ACTN1: variants seen among roughly 807,000 people sequenced by gnomAD.
ACTN1 encodes alpha-actinin-1.
A neutral mutation model predicts 119.6 loss-of-function variants in ACTN1; 30 were observed. That is an observed-to-expected ratio of 0.25 (90% confidence interval 0.19 to 0.34). ACTN1 has a LOEUF of 0.34. Among genes scored for constraint, ACTN1 ranks in the 10% least tolerant of loss-of-function variants. ACTN1 has a pLI of 1.00. For synonymous variants in ACTN1, 429 were observed against 472.6 expected, an observed-to-expected ratio of 0.91 and a Z score of 1.20; for missense variants, 764 against 1,223.4, an observed-to-expected ratio of 0.62 and a Z score of 5.60.
chr14:68,888,058 A>G, intron 11 of ACTN1: 6 of 721,102 alleles, frequency 8.3e-6, no homozygotes, highest in South Asian at 6.9e-5. Context: ...CGGCTCCTTC[A>G]GCAGAGCTGA....
intron 1 of ACTN1, among the ~76,000 whole-genome samples, chr14:68,969,526 A>G (rs1180461712): frequency 6.6e-6 from 1 of 152,234 alleles, no homozygotes; most frequent in Non-Finnish European, 1.5e-5. Context: ...GGAGTTTAAA[A>G]GGGAGCCACT....
chr14:68,933,158 G>A (rs1251090552), intron 1 of ACTN1, among the ~76,000 whole-genome samples: 1 of 150,682 alleles, frequency 6.6e-6, no homozygotes, highest in South Asian at 2.1e-4. Flanking sequence ...TATTTGCGAT[G>A]TATCTCGCTC....
chr14:68,894,881 T>C (rs1159395235), intron 8 of ACTN1, among the ~76,000 whole-genome samples: 6 of 152,154 alleles, frequency 3.9e-5, no homozygotes, highest in Non-Finnish European at 7.4e-5. Flanking sequence ...AGGCTGGTTG[T>C]AAGGAAGAGC....
intron 1 of ACTN1, chr14:68,936,518 T>A: frequency 7.2e-6 from 2 of 276,928 alleles, no homozygotes; most frequent in Non-Finnish European, 1.4e-5. Context: ...TTTTTTTAAG[T>A]ATGCAAATAA....
At chr14:68,957,680 G>A (rs554687904) in intron 1 of ACTN1, among the ~76,000 whole-genome samples, 1 of 152,236 alleles carries the variant, frequency 6.6e-6, no homozygotes, top group South Asian at 2.1e-4. Context: ...AAGCAACTCT[G>A]TGGGTTGCAG....
intron 3 of ACTN1, among the ~76,000 whole-genome samples, chr14:68,919,047 G>A (rs1305559689): frequency 1.3e-5 from 2 of 152,216 alleles, no homozygotes; most frequent in African/African-American, 4.8e-5. Flanking sequence ...GCGGGTACTC[G>A]GTGAGTGCTA....
chr14:68,940,579 C>T (rs2035730659), intron 1 of ACTN1, among the ~76,000 whole-genome samples: 1 of 151,852 alleles, frequency 6.6e-6, no homozygotes. Context: ...TATCTCACAC[C>T]AGCAATCCCA....
chr14:68,902,465 G>T lies in ACTN1; in HGVS notation c.762+12C>A, dbSNP rs774854644. 1.2e-6 allele frequency: 2 copies of T among 1,612,930 alleles called. No homozygotes were observed. Among genetic ancestry groups the T allele is most frequent in the African/African-American group, 1.3e-5 (1 of 74,836 alleles). On this transcript the variant is annotated intron_variant, in intron 8 of 21. Transcript: ENST00000394419. ...TGTGCTGGGCATGGAAGGAGCAGGG[G>T]GCCCCGGGTACCTTCTGGGCTCCAG...
intron 1 of ACTN1, among the ~76,000 whole-genome samples, chr14:68,972,000 T>A (rs938046386): frequency 1.3e-5 from 2 of 152,168 alleles, no homozygotes; most frequent in Middle Eastern, 6.8e-3. Context: ...CCCCTTCCCC[T>A]GCCTACAACC....
chr14:68,903,591 C>T (rs933162867), intron 7 of ACTN1, among the ~76,000 whole-genome samples: 4 of 152,026 alleles, frequency 2.6e-5, no homozygotes, highest in Admixed American at 6.5e-5. Context: ...GTCTGGACCC[C>T]ACCGTGGTCT....
chr14:68,903,157 T>C (rs923528703), intron 7 of ACTN1, among the ~76,000 whole-genome samples: 1 of 152,226 alleles, frequency 6.6e-6, no homozygotes, highest in East Asian at 1.9e-4. Flanking sequence ...ACACAAAGTG[T>C]GGCAAGACCT....
intron 8 of ACTN1, among the ~76,000 whole-genome samples, chr14:68,902,204 G>A (rs1344467261): frequency 1.3e-5 from 2 of 152,192 alleles, no homozygotes; most frequent in East Asian, 1.9e-4. Context: ...CATGCACACA[G>A]CCCTTCCTGC....
chr14:68,902,063 G>A (rs934199823), intron 8 of ACTN1, among the ~76,000 whole-genome samples: 1 of 152,222 alleles, frequency 6.6e-6, no homozygotes, highest in Non-Finnish European at 1.5e-5. Flanking sequence ...AAGACTGGAG[G>A]TGTCTCCCAG....
rs28563156 is a variant in ACTN1, at chr14:68,942,818, T to G, written c.106-17146A>C. 2.7e-3 allele frequency among the ~76,000 whole-genome samples: 405 copies of G among 152,214 alleles called. 1 individual carries two copies. Among genetic ancestry groups the G allele is most frequent in the African/African-American group, 9.1e-3 (376 of 41,514 alleles). On this transcript the variant is annotated intron_variant, in intron 1 of 21. Transcript: ENST00000394419. ...AGCTGCACTGGGATGTATGGGAGAA[T>G]GTTCATCGTTGCCTCATTTGTGTCA...
chr14:68,875,011 T>C lies in ACTN1; in HGVS notation c.2593A>G (p.Ile865Val), dbSNP rs2140022833. 1 of 1,613,266 alleles carries C rather than the reference T, an allele frequency of 6.2e-7. No individual in the cohort carries two copies. Among genetic ancestry groups the C allele is most frequent in the South Asian group, 1.1e-5 (1 of 91,090 alleles). ...FKILAGDKNY[I>V]TMDELRRELP... is the part of the protein sequence containing the mutation. ...TCGCGGCGCAGCTCGTCCATGGTAA[T>C]GTAGTTCTGCGAGGAGAGAGTGGTC... Residue 865 changes from isoleucine (I) to valine (V), a missense_variant, in exon 22 of 22, where the codon ATT becomes GTT. By Grantham distance (29) the Ile-to-Val change is conservative. Coordinates refer to ENST00000394419, the MANE Select transcript of ACTN1 (RefSeq NM_001130004.2).
In ACTN1 at chr14:68,926,000, T is replaced by C. The variant is rs1414342259; in HGVS notation, c.106-328A>G. Among the ~76,000 whole-genome samples the C allele has an allele frequency of 6.6e-6, 1 of 152,250 alleles. No individual in the cohort carries two copies. Among genetic ancestry groups the C allele is most frequent in the Non-Finnish European group, 1.5e-5 (1 of 68,052 alleles). On this transcript the variant is annotated intron_variant, in intron 1 of 21. Coordinates refer to ENST00000394419, the MANE Select transcript of ACTN1 (RefSeq NM_001130004.2). The surrounding 1 kb of genome is among the most constrained non-coding windows in gnomAD (Gnocchi z 4.3). Reference sequence around the variant, plus strand: ...TTTGAAAATGCCACAATTCCATTCTTACAAGTTACCTCTTAAGTTATAAGA... The same window carrying C: ...TTTGAAAATGCCACAATTCCATTCTCACAAGTTACCTCTTAAGTTATAAGA...
intron 1 of ACTN1, chr14:68,978,009 T>C (rs1566687895): frequency 4.4e-6 from 2 of 456,196 alleles, no homozygotes; most frequent in South Asian, 3.1e-5. Flanking sequence ...CACGAGTGGT[T>C]TCTGACCTCT....
chr14:68,877,355 T>A, intron 20 of ACTN1, 115 bp from the exon 21 acceptor site: 2 of 1,323,664 alleles, frequency 1.5e-6, no homozygotes, highest in Non-Finnish European at 1.0e-6. Flanking sequence ...GAAGGGCACA[T>A]CCCCCTGACC....
intron 21 of ACTN1, 54 bp from the exon 22 acceptor site, chr14:68,875,071 C>G (rs1228501261): frequency 6.2e-7 from 1 of 1,601,248 alleles, no homozygotes; most frequent in South Asian, 1.1e-5. Flanking sequence ...CGTAAAGCGG[C>G]GCGGCCCGAC....
Sources: allele counts gnomAD v4.1 joint callset (sites outside exome capture counted in the v4.1 genomes callset), GRCh38; gene constraint gnomAD v4.1.1; non-coding constraint Gnocchi (gnomAD v3.1); transcripts MANE v1.5; gene names NCBI Gene and HGNC (gene_info 2026-07-23, HGNC 2026-07-21).